MYCBP2: variants seen among roughly 807,000 people sequenced by gnomAD.
MYCBP2 encodes the protein MYC binding protein 2, also known as E3 ubiquitin-protein ligase MYCBP2.
MYCBP2 carries 120 observed loss-of-function variants against 525.3 expected under a neutral mutation model. That is an observed-to-expected ratio of 0.23 (90% CI 0.20 to 0.27). The LOEUF is 0.27. Among genes scored for constraint, MYCBP2 ranks in the 10% least tolerant of loss-of-function variants. The pLI is 1.00. For missense variants in MYCBP2, 4,149 were observed against 5,657.1 expected (o/e 0.73, Z 8.55); for synonymous variants, 1,894 against 1,955.8 (o/e 0.97, Z 0.83).
intron 1 of MYCBP2, among the ~76,000 whole-genome samples, chr13:77,315,843 C>T (rs1181073767): frequency 6.8e-6 from 1 of 147,398 alleles, no homozygotes; most frequent in Non-Finnish European, 1.5e-5. Flanking sequence ...TTCAGTGAGC[C>T]GAGATTATGC....
At chr13:77,096,545 T>C (rs2046281711) in intron 56 of MYCBP2, 64 bp from the exon 57 acceptor site, 1 of 1,510,412 alleles carries the variant, frequency 6.6e-7, no homozygotes, top group South Asian at 1.3e-5. Context: ...TGATCCTTAT[T>C]ACTCATACAT....
intron 68 of MYCBP2, among the ~76,000 whole-genome samples, chr13:77,074,402 C>T (rs998258775): frequency 6.6e-6 from 1 of 152,072 alleles, no homozygotes; most frequent in Non-Finnish European, 1.5e-5. Context: ...ACCTTGGGTT[C>T]TAGACCATAC....
chr13:77,320,833 G>A (rs193043570), intron 1 of MYCBP2, among the ~76,000 whole-genome samples: 1 of 152,246 alleles, frequency 6.6e-6, no homozygotes, highest in East Asian at 1.9e-4. Flanking sequence ...TCCACTTACA[G>A]GAAATACAGA....
At chr13:77,061,094 C>A in intron 76 of MYCBP2, 75 bp downstream of exon 76, 3 of 1,427,986 alleles carry the variant, frequency 2.1e-6, no homozygotes, top group South Asian at 1.4e-5. Context: ...AAATTATTCA[C>A]AGTTTAATCA....
chr13:77,315,984 C>T (rs542491340), intron 1 of MYCBP2, among the ~76,000 whole-genome samples: 1 of 151,560 alleles, frequency 6.6e-6, no homozygotes, highest in South Asian at 2.1e-4. Context: ...TTGATAGAGG[C>T]CATTGAAACA....
chr13:77,255,397 T>G (rs1352369325), intron 14 of MYCBP2, among the ~76,000 whole-genome samples: 1 of 151,988 alleles, frequency 6.6e-6, no homozygotes, highest in Non-Finnish European at 1.5e-5. Context: ...ACAATTTTAC[T>G]TTGATTATTA....
chr13:77,074,470 T>G (rs760301538), intron 68 of MYCBP2, among the ~76,000 whole-genome samples: 18 of 152,182 alleles, frequency 1.2e-4, no homozygotes, highest in African/African-American at 4.3e-4. Context: ...ACTTAAAAAC[T>G]TCTGTTCTCT....
chr13:77,223,197 G>C (rs1256366695), intron 20 of MYCBP2, among the ~76,000 whole-genome samples: 1 of 152,136 alleles, frequency 6.6e-6, no homozygotes, highest in Non-Finnish European at 1.5e-5. Flanking sequence ...CGTCCCCTGG[G>C]GTGCTACCAG....
chr13:77,297,252 T>C (rs182476388), intron 1 of MYCBP2, among the ~76,000 whole-genome samples: 4 of 152,372 alleles, frequency 2.6e-5, no homozygotes, highest in Non-Finnish European at 4.4e-5. Flanking sequence ...ATAAGAATTA[T>C]GGTGCAAGAA....
chr13:77,078,959 A>G, intron 65 of MYCBP2, 70 bp from the exon 66 acceptor site: 1 of 1,221,790 alleles, frequency 8.2e-7, no homozygotes, highest in East Asian at 2.3e-5. Context: ...GTTTCTCATG[A>G]CCTACTAATA....
At chr13:77,136,101 G>A (rs2053717765) in intron 52 of MYCBP2, among the ~76,000 whole-genome samples, 1 of 152,286 alleles carries the variant, frequency 6.6e-6, no homozygotes, top group East Asian at 1.9e-4. Context: ...TAATAGGCGT[G>A]AGCCACCGTG....
At chr13:77,165,490 G>GT (rs1392616436) in intron 41 of MYCBP2, 99 bp from the exon 42 acceptor site, 2 of 865,388 alleles carry the variant, frequency 2.3e-6, no homozygotes, top group Non-Finnish European at 3.6e-6. Flanking sequence ...CACAAGATAG[G>GT]TAAAAACACA....
chr13:77,185,442 T>A, intron 31 of MYCBP2, 65 bp from the exon 32 acceptor site: 1 of 1,471,026 alleles, frequency 6.8e-7, no homozygotes, highest in Non-Finnish European at 9.2e-7. Flanking sequence ...AAACAATCAA[T>A]ATAATTCAGT....
chr13:77,152,160 G>C (rs990969363), intron 46 of MYCBP2, among the ~76,000 whole-genome samples: 1 of 152,086 alleles, frequency 6.6e-6, no homozygotes, highest in African/African-American at 2.4e-5. Flanking sequence ...TGAGACTTTC[G>C]CTATTTATAT....
At chr13:77,309,157 A>T (rs1384077424) in intron 1 of MYCBP2, among the ~76,000 whole-genome samples, 2 of 152,140 alleles carry the variant, frequency 1.3e-5, no homozygotes, top group African/African-American at 4.8e-5. Context: ...CACTATTTCT[A>T]AATACTCCCA....
chr13:77,252,577 T>G (rs1215692577), intron 14 of MYCBP2, among the ~76,000 whole-genome samples: 1 of 152,186 alleles, frequency 6.6e-6, no homozygotes, highest in African/African-American at 2.4e-5. Context: ...AGTTATGAGG[T>G]TAAGTCTTGC....
chr13:77,065,855 A>G (rs2040114671), intron 72 of MYCBP2, 137 bp downstream of exon 72: 2 of 516,408 alleles, frequency 3.9e-6, no homozygotes, highest in African/African-American at 1.9e-5. Flanking sequence ...GACAAACAGC[A>G]TGATAGTTAA....
At chr13:77,187,533 G>C (rs901674260) in intron 30 of MYCBP2, among the ~76,000 whole-genome samples, 4 of 152,194 alleles carry the variant, frequency 2.6e-5, no homozygotes, top group Non-Finnish European at 1.5e-5. Flanking sequence ...GAGAATCAAA[G>C]TGGTTCTTTG....
At chr13:77,118,247 T>C in intron 55 of MYCBP2, 2 of 601,656 alleles carry the variant, frequency 3.3e-6, no homozygotes, top group East Asian at 2.8e-5. Flanking sequence ...AAAAAACCAG[T>C]CAGGTGAGTT....
Sources: allele counts gnomAD v4.1 joint callset (sites outside exome capture counted in the v4.1 genomes callset), GRCh38; gene constraint gnomAD v4.1.1; transcripts MANE v1.5; gene names NCBI Gene and HGNC (gene_info 2026-07-23, HGNC 2026-07-21).